Variants in MACC1 observed in about 807,000 individuals in gnomAD.
MACC1 encodes metastasis-associated in colon cancer protein 1.
A neutral mutation model predicts 70.7 loss-of-function variants in MACC1; 79 were observed. The ratio of observed to expected loss-of-function variants is 1.12; its 90% CI spans 0.93 to 1.35. The LOEUF is 1.35. Ranked by LOEUF, MACC1 falls within the 40% of genes most tolerant of loss-of-function variation. The pLI is 0.00. For synonymous variants in MACC1, 361 were observed against 347.2 expected (o/e 1.04, Z -0.44); for missense variants, 1,106 against 978.1 (o/e 1.13, Z -1.74).
intron 6 of MACC1, among the ~76,000 whole-genome samples, chr7:20,151,246 G>A (rs1781973072): frequency 6.6e-6 from 1 of 152,142 alleles, no homozygotes; most frequent in South Asian, 2.1e-4. Context: ...ATTTAGGCCA[G>A]TGAATTTCTT....
chr7:20,169,531 G>A (rs867322433), intron 2 of MACC1, among the ~76,000 whole-genome samples: 4 of 152,170 alleles, frequency 2.6e-5, no homozygotes, highest in Non-Finnish European at 5.9e-5. Context: ...GCCAAATTCT[G>A]TATTTGTTTT....
intron 1 of MACC1, among the ~76,000 whole-genome samples, chr7:20,209,779 C>A (rs1782969770): frequency 6.6e-6 from 1 of 152,112 alleles, no homozygotes; most frequent in African/African-American, 2.4e-5. Context: ...TGTCCCCACC[C>A]AAATCTCATC....
At chr7:20,148,528 T>C (rs1781928519) in intron 6 of MACC1, among the ~76,000 whole-genome samples, 1 of 152,188 alleles carries the variant, frequency 6.6e-6, no homozygotes, top group Non-Finnish European at 1.5e-5. Context: ...ATAGTGTCTT[T>C]AAATCCATTT....
At chr7:20,209,606 G>A (rs377068413) in intron 1 of MACC1, among the ~76,000 whole-genome samples, 74 of 152,344 alleles carry the variant, frequency 4.9e-4, no homozygotes, top group Admixed American at 1.2e-3. Flanking sequence ...CTCATAGGGA[G>A]AAGGCACTTG....
chr7:20,141,976 A>T (rs1781812050), intron 6 of MACC1: 1 of 152,042 alleles, frequency 6.6e-6, no homozygotes, highest in African/African-American at 2.4e-5. Context: ...ACAGCACCTT[A>T]AAATGAATTT....
chr7:20,176,243 T>C (rs1210473032), intron 1 of MACC1, among the ~76,000 whole-genome samples: 1 of 152,136 alleles, frequency 6.6e-6, no homozygotes, highest in Non-Finnish European at 1.5e-5. Context: ...AAACATCATG[T>C]TGCGCATCTT....
intron 1 of MACC1, among the ~76,000 whole-genome samples, chr7:20,215,942 G>A (rs1054537173): frequency 6.6e-6 from 1 of 152,120 alleles, no homozygotes; most frequent in African/African-American, 2.4e-5. Context: ...TTTTAAAAAT[G>A]AGTCATAACT....
chr7:20,141,116 C>T lies in MACC1; in HGVS notation c.2389G>A (p.Ala797Thr). 3 of 1,611,808 alleles carry T rather than the reference C, an allele frequency of 1.9e-6. No individual in the cohort carries two copies. The highest frequency in any genetic ancestry group is 2.5e-6 in the Non-Finnish European group (3 of 1,179,298). ...PAYDFLYTWSAHYGNNYRDVL... is the reference protein window; with the variant it reads ...PAYDFLYTWSTHYGNNYRDVL... ...TCTCTGTAGTTATTTCCATAGTGAG[C>T]ACTCCAGGTATACAGAAAATCATAG... Residue 797 changes from alanine to threonine, a missense_variant, in exon 7 of 7, where the codon GCT (alanine) becomes ACT (threonine). Physicochemically the swap from Ala to Thr is moderately conservative, Grantham distance 58. Transcript: ENST00000400331.
chr7:20,159,670 C>G lies in MACC1; in HGVS notation c.691G>C (p.Asp231His). ...CCTTGGGGCACATGAACAGTGATGT[C>G]TGATTCAGGTAATTGTACTGACCCT... ...QGGSVQLPES[D>H]ITVHVPQGHV... Residue 231 changes from aspartate (D) to histidine (H), a missense_variant, in exon 5 of 7, where the codon GAC becomes CAC. Asp to His is a moderately conservative substitution (Grantham distance 81, BLOSUM62 -1). Coordinates refer to ENST00000400331, the MANE Select transcript of MACC1 (RefSeq NM_182762.4). 1.9e-6 allele frequency: 3 copies of G among 1,614,166 alleles called. No homozygotes were observed. The highest frequency in any genetic ancestry group is 2.5e-6 in the Non-Finnish European group (3 of 1,180,034).
At chr7:20,185,961 C>T (rs1782581985) in intron 1 of MACC1, among the ~76,000 whole-genome samples, 1 of 152,222 alleles carries the variant, frequency 6.6e-6, no homozygotes, top group Admixed American at 6.5e-5. Flanking sequence ...GCCCCAGGGT[C>T]CACATTCTCT....
Position 20,174,328 on chromosome 7 carries a change from A to C in MACC1, c.-217-3550T>G, listed in dbSNP as rs17142541. Among the ~76,000 whole-genome samples, 1,363 of 152,290 alleles carry C rather than the reference A, an allele frequency of 9.0e-3. 93 individuals carry two copies. In the East Asian group the frequency reaches 0.16, roughly 18 times the overall value. Reference sequence around the variant, plus strand: ...ATATTTCAGGGGAAGGAATGTGAGAAGTTCATTTTAAAACTTCTAGGATCA... The same window carrying C: ...ATATTTCAGGGGAAGGAATGTGAGACGTTCATTTTAAAACTTCTAGGATCA... On this transcript the variant is annotated intron_variant, in intron 1 of 6. Transcript: ENST00000400331.
chr7:20,215,037 G>C (rs975538371), intron 1 of MACC1, among the ~76,000 whole-genome samples: 3 of 152,036 alleles, frequency 2.0e-5, no homozygotes, highest in African/African-American at 7.2e-5. Flanking sequence ...GTTTTAGGAA[G>C]TCACTCCACT....
chr7:20,170,247 G>A (rs1032546020), intron 2 of MACC1: 23 of 152,222 alleles, frequency 1.5e-4, no homozygotes, highest in Non-Finnish European at 1.9e-4. Flanking sequence ...TCTTCAAAAA[G>A]TGGTTACAAT....
At chr7:20,187,799 T>C (rs1205720170) in intron 1 of MACC1, among the ~76,000 whole-genome samples, 2 of 152,182 alleles carry the variant, frequency 1.3e-5, no homozygotes, top group Non-Finnish European at 2.9e-5. Context: ...TCTTGTGGAA[T>C]CTCCAACACC....
chr7:20,161,986 A>T (rs1782145393), intron 3 of MACC1, 116 bp from the exon 4 acceptor site: 2 of 621,098 alleles, frequency 3.2e-6, no homozygotes, highest in Admixed American at 5.4e-5. Flanking sequence ...AAAATCCTCT[A>T]TATAAATCTT....
chr7:20,209,066 T>C (rs775911568), intron 1 of MACC1, among the ~76,000 whole-genome samples: 4 of 152,122 alleles, frequency 2.6e-5, no homozygotes, highest in Non-Finnish European at 4.4e-5. Context: ...AAAGGATGTA[T>C]GGAAATGCCT....
rs952371825 is a variant in MACC1 at position 20,135,453 on chromosome 7, G to A, written c.*5493C>T. The A allele has an allele frequency of 7.2e-5, 11 of 152,074 alleles. No homozygotes were observed. The highest frequency in any genetic ancestry group is 2.2e-4 in the African/African-American group (9 of 41,392). 9.4% of individuals were successfully genotyped at this position (152,074 alleles called of 1,614,324 possible). On this transcript the variant is annotated 3_prime_UTR_variant, in exon 7 of 7. Coordinates refer to ENST00000400331, the MANE Select transcript of MACC1 (RefSeq NM_182762.4). ...TCATTTATCTTAAAGCAAATTAGAG[G>A]ACTTATAAAAAATCTTTCCATTTCT... is the stretch of plus-strand genomic sequence containing the variant.
Position 20,158,686 on chromosome 7 carries a change from C to T in MACC1, c.1675G>A (p.Ala559Thr). 1 of 1,613,878 alleles carries T rather than the reference C, an allele frequency of 6.2e-7. No homozygotes were observed. Among genetic ancestry groups the T allele is most frequent in the Non-Finnish European group, 8.5e-7 (1 of 1,179,978 alleles). Residue 559 changes from alanine (A) to threonine (T), a missense_variant, in exon 5 of 7, where the codon GCA becomes ACA. Coordinates refer to ENST00000400331, the MANE Select transcript of MACC1 (RefSeq NM_182762.4). ...TCAATCTTGCTTTGTCTTAGCACTG[C>T]CTTCAGGGTTACCCCATAGTTGCTA... ...NFSNYGVTLK[A>T]VLRQSKIDYF...
At chr7:20,176,851 T>C (rs1215544792) in intron 1 of MACC1, among the ~76,000 whole-genome samples, 3 of 152,154 alleles carry the variant, frequency 2.0e-5, no homozygotes. Flanking sequence ...TTACATGACA[T>C]ACTCTAAATG....
Sources: allele counts gnomAD v4.1 joint callset (sites outside exome capture counted in the v4.1 genomes callset), GRCh38; gene constraint gnomAD v4.1.1; transcripts MANE v1.5; gene names NCBI Gene and HGNC (gene_info 2026-07-23, HGNC 2026-07-21).